AMD1: variants seen among roughly 807,000 people sequenced by gnomAD.
AMD1 encodes S-adenosylmethionine decarboxylase proenzyme.
In AMD1, 11 loss-of-function variants were observed where a neutral mutation model predicts 40.2. The observed-to-expected ratio is 0.27, with a 90% CI of 0.17 to 0.45. AMD1 has a LOEUF of 0.45. Ranked by LOEUF, AMD1 falls within the 20% of genes least tolerant of loss-of-function variation. The pLI is 1.00. For missense variants in AMD1, 257 were observed against 410.2 expected, an observed-to-expected ratio of 0.63 and a Z score of 3.23; for synonymous variants, 121 against 130.8, an observed-to-expected ratio of 0.93 and a Z score of 0.51.
the AMD1 span, among the ~76,000 whole-genome samples, chr6:110,857,169 A>G: frequency 6.6e-6 from 1 of 151,944 alleles, no homozygotes. Context: ...TGTCTCAAAA[A>G]AATAAATAAA....
the AMD1 span, among the ~76,000 whole-genome samples, chr6:110,822,569 CT>C: frequency 1.3e-5 from 2 of 152,116 alleles, no homozygotes; most frequent in Non-Finnish European, 2.9e-5. Flanking sequence ...CAGTATCACT[CT>C]GATACCAAAG....
chr6:110,875,621 A>T (rs1015391426), intron 1 of AMD1: 27 of 162,602 alleles, frequency 1.7e-4, no homozygotes, highest in Non-Finnish European at 2.9e-4. Context: ...TGCCTCCGGC[A>T]GGTGTGGCTC....
intron 1 of AMD1, among the ~76,000 whole-genome samples, chr6:110,882,540 G>T (rs545479072): frequency 5.9e-5 from 9 of 152,334 alleles, no homozygotes; most frequent in African/African-American, 2.2e-4. Context: ...ATTTTCAGCT[G>T]TTGCAGAGTT....
chr6:110,858,387 TCCAGA>T, the AMD1 span: 1 of 841,902 alleles, frequency 1.2e-6, no homozygotes, highest in Admixed American at 1.7e-5. Context: ...GGCCCCGACT[TCCAGA>T]AGGGCCTGAA....
At chr6:110,837,714 A>G in the AMD1 span, among the ~76,000 whole-genome samples, 2 of 7,298 alleles carry the variant, frequency 2.7e-4, no homozygotes, top group Non-Finnish European at 5.0e-4. Flanking sequence ...TCCATCTCAG[A>G]AAAAAAAAAA....
chr6:110,838,559 T>C, the AMD1 span, among the ~76,000 whole-genome samples: 2 of 151,868 alleles, frequency 1.3e-5, no homozygotes, highest in African/African-American at 2.4e-5. Context: ...ATTTTTATTA[T>C]GTTAACAACT....
chr6:110,870,551 G>A (rs969575040), upstream of AMD1, among the ~76,000 whole-genome samples: 6 of 152,140 alleles, frequency 3.9e-5, no homozygotes, highest in African/African-American at 1.4e-4. Flanking sequence ...TGAGCCCGGG[G>A]AAGTTGAGGC....
the AMD1 span, among the ~76,000 whole-genome samples, chr6:110,855,932 T>C: frequency 3.9e-5 from 6 of 151,972 alleles, no homozygotes; most frequent in East Asian, 1.2e-3. Context: ...AATTAAAAAT[T>C]AGTCAAGCAT....
At chr6:110,846,600 G>C in the AMD1 span, among the ~76,000 whole-genome samples, 1 of 152,144 alleles carries the variant, frequency 6.6e-6, no homozygotes, top group African/African-American at 2.4e-5. Context: ...TGTGGCAGGT[G>C]GTGGCTCACA....
the AMD1 span, among the ~76,000 whole-genome samples, chr6:110,830,064 G>C: frequency 6.6e-6 from 1 of 151,924 alleles, no homozygotes; most frequent in Non-Finnish European, 1.5e-5. Context: ...CACCAGGCTG[G>C]AGTGCAGTGG....
chr6:110,878,231 C>T (rs1241158130), intron 1 of AMD1, among the ~76,000 whole-genome samples: 2 of 152,100 alleles, frequency 1.3e-5, no homozygotes, highest in African/African-American at 4.8e-5. Flanking sequence ...TTTTTTTCTC[C>T]TACACGATAT....
the AMD1 span, among the ~76,000 whole-genome samples, chr6:110,844,653 C>A: frequency 6.6e-6 from 1 of 151,604 alleles, no homozygotes; most frequent in Admixed American, 6.6e-5. Context: ...TGGTGGCAGG[C>A]GCCTGTAATC....
At chr6:110,890,128 A>G (rs1190606702) in intron 3 of AMD1, 126 bp from the exon 4 acceptor site, 3 of 643,102 alleles carry the variant, frequency 4.7e-6, no homozygotes, top group African/African-American at 1.9e-5. Context: ...ATGCCAAGCT[A>G]AAATATTTGA....
chr6:110,882,369 GCAGA>G (rs140906891), intron 1 of AMD1, among the ~76,000 whole-genome samples: 1,734 of 152,280 alleles, frequency 0.011, 29 homozygotes, highest in African/African-American at 0.039. Flanking sequence ...ATTTTGCAAG[GCAGA>G]CAGTCTGTTG....
chr6:110,887,581 T>G lies in AMD1; in HGVS notation c.187T>G (p.Tyr63Asp). 6.2e-7 allele frequency: 1 copy of G among 1,606,238 alleles called. No homozygotes were observed. Among genetic ancestry groups the G allele is most frequent in the Non-Finnish European group, 8.5e-7 (1 of 1,176,984 alleles). The change falls in exon 2 of 9, where the codon TAT becomes GAT. Residue 63 changes from tyrosine (Y) to aspartate (D), a missense_variant. Tyr to Asp is a radical substitution (Grantham distance 160). This residue lies in a region of AMD1 where 57 missense variants were observed against 76.8 expected (regional missense o/e 0.74). Transcript: ENST00000368885. ...GACAAAAACTGACAAGCAGGAAGCT[T>G]ATGTACTCAGGTAAGTCCTGTAAAA... is the stretch of plus-strand genomic sequence containing the variant. Reference protein sequence around the residue: ...SVTKTDKQEAYVLSESSMFVS... With the variant: ...SVTKTDKQEADVLSESSMFVS...
upstream of AMD1, among the ~76,000 whole-genome samples, chr6:110,872,660 T>C (rs1208964257): frequency 6.6e-6 from 1 of 152,236 alleles, no homozygotes; most frequent in Non-Finnish European, 1.5e-5. Flanking sequence ...AACCAGAGTA[T>C]ACAAGGAATT....
chr6:110,823,487 C>A, the AMD1 span, among the ~76,000 whole-genome samples: 7 of 152,120 alleles, frequency 4.6e-5, no homozygotes, highest in Non-Finnish European at 8.8e-5. Context: ...CCAAAAGACT[C>A]CTAGTTTGAT....
intron 4 of AMD1, chr6:110,891,959 A>G: frequency 1.6e-6 from 1 of 627,470 alleles, no homozygotes; most frequent in Non-Finnish European, 2.8e-6. Context: ...GCCAGGCTCG[A>G]ACTCTTGACC....
the AMD1 span, among the ~76,000 whole-genome samples, chr6:110,852,001 G>T: frequency 1.3e-5 from 2 of 151,238 alleles, no homozygotes; most frequent in African/African-American, 4.8e-5. Context: ...AAAATCAAGA[G>T]CTTTGGTTTA....
Sources: allele counts gnomAD v4.1 joint callset (sites outside exome capture counted in the v4.1 genomes callset), GRCh38; gene constraint gnomAD v4.1.1; regional missense constraint gnomAD v4.1.1; transcripts MANE v1.5; gene names NCBI Gene and HGNC (gene_info 2026-07-23, HGNC 2026-07-21).